MELK: variants seen among roughly 807,000 people sequenced by gnomAD.
The protein encoded by MELK is pEg3 kinase.
A neutral mutation model predicts 85.0 loss-of-function variants in MELK; 81 were observed. That is an observed-to-expected ratio of 0.95 (90% CI 0.80 to 1.15). MELK has a LOEUF of 1.15. Ranked by LOEUF, MELK falls within the 50% of genes most tolerant of loss-of-function variation. MELK has a pLI of 0.00. For missense variants in MELK, 754 were observed against 777.5 expected (o/e 0.97, Z 0.36); for synonymous variants, 252 against 265.0 (o/e 0.95, Z 0.48).
Position 36,583,608 on chromosome 9 carries a change from A to G in MELK, c.59-19A>G, listed in dbSNP as rs975189755. On this transcript the variant is annotated intron_variant, in intron 2 of 17. Coordinates refer to ENST00000298048, the MANE Select transcript of MELK (RefSeq NM_014791.4). ...CCTGAGTCCTTGCTTATGCTTTCAT[A>G]ATACATTTTCCTACTTAGGTGGCTT... is the stretch of plus-strand genomic sequence containing the variant. 6.4e-7 allele frequency: 1 copy of G among 1,560,072 alleles called. No homozygotes were observed. Among genetic ancestry groups the G allele is most frequent in the African/African-American group, 1.4e-5 (1 of 73,682 alleles).
Position 36,677,247 on chromosome 9 carries a change from T to C in MELK, c.1866T>C (p.Asp622=), listed in dbSNP as rs1564242352. The change falls in exon 18 of 18, where the codon GAT becomes GAC. Residue 622 remains aspartate (D), a synonymous_variant. Coordinates refer to ENST00000298048, the MANE Select transcript of MELK (RefSeq NM_014791.4). Reference sequence around the variant, plus strand: ...AAGTGTGCCAGCTTCAAAAACCCGATGTGGTGGGTATCAGGAGGCAGCGGC... The same window carrying C: ...AAGTGTGCCAGCTTCAAAAACCCGACGTGGTGGGTATCAGGAGGCAGCGGC... ...ELEVCQLQKP[D]VVGIRRQRLK... is the part of the protein sequence containing the mutation. 4.3e-6 allele frequency: 7 copies of C among 1,614,110 alleles called. No individual in the cohort carries two copies. Among genetic ancestry groups the C allele is most frequent in the South Asian group, 2.2e-5 (2 of 91,060 alleles).
intron 8 of MELK, chr9:36,630,084 A>G: frequency 2.0e-6 from 1 of 507,862 alleles, no homozygotes. Flanking sequence ...ATCTCAGGTG[A>G]TCTGCCCGCT....
At chr9:36,657,460 T>C (rs1831367151) in intron 13 of MELK, 97 bp downstream of exon 13, 1 of 1,340,824 alleles carries the variant, frequency 7.5e-7, no homozygotes, top group Non-Finnish European at 1.0e-6. Context: ...GCAAATTTAA[T>C]GAATGCTTAA....
At chr9:36,603,187 TGAGGAG>T (rs1825111376) in intron 7 of MELK, among the ~76,000 whole-genome samples, 1 of 152,152 alleles carries the variant, frequency 6.6e-6, no homozygotes, top group African/African-American at 2.4e-5. Flanking sequence ...GATAGTGGAC[TGAGGAG>T]TCATTTGAGA....
chr9:36,630,405 T>G, intron 9 of MELK, 38 bp downstream of exon 9: 1 of 1,522,956 alleles, frequency 6.6e-7, no homozygotes, highest in South Asian at 1.1e-5. Context: ...TCTATTGTAA[T>G]TGTTTGGTTC....
intron 1 of MELK, among the ~76,000 whole-genome samples, chr9:36,577,280 A>T (rs996885823): frequency 5.3e-5 from 8 of 152,092 alleles, no homozygotes; most frequent in African/African-American, 1.9e-4. Context: ...TGGGAGGCCA[A>T]GGAGGGTGGA....
At chr9:36,657,995 G>A (rs1254845426) in intron 13 of MELK, among the ~76,000 whole-genome samples, 1 of 151,638 alleles carries the variant, frequency 6.6e-6, no homozygotes, top group East Asian at 1.9e-4. Context: ...GCATACAGTT[G>A]TATAACCACC....
intron 8 of MELK, among the ~76,000 whole-genome samples, chr9:36,616,385 CTCT>C (rs1826788610): frequency 8.3e-6 from 1 of 120,288 alleles, no homozygotes; most frequent in African/African-American, 3.5e-5. Context: ...GCATGTCAAA[CTCT>C]TTTTTTTTTT....
intron 14 of MELK, among the ~76,000 whole-genome samples, chr9:36,667,350 T>G (rs764852980): frequency 6.6e-6 from 1 of 152,146 alleles, no homozygotes. Context: ...AAGACAGGGC[T>G]TCACCATATT....
At chr9:36,604,746 C>T (rs1481317976) in intron 7 of MELK, among the ~76,000 whole-genome samples, 2 of 151,634 alleles carry the variant, frequency 1.3e-5, no homozygotes, top group African/African-American at 4.9e-5. Flanking sequence ...CGAGTTCAAG[C>T]GATTCTCCTG....
chr9:36,656,729 G>C (rs1370881583), intron 12 of MELK, among the ~76,000 whole-genome samples: 1 of 151,874 alleles, frequency 6.6e-6, no homozygotes, highest in Non-Finnish European at 1.5e-5. Context: ...GTGGACTCAA[G>C]TGATCCTCCC....
intron 14 of MELK, among the ~76,000 whole-genome samples, chr9:36,667,975 G>A (rs58376094): frequency 1.3e-5 from 2 of 152,266 alleles, no homozygotes; most frequent in East Asian, 3.9e-4. Flanking sequence ...CAACATGTTG[G>A]GCAGGCTGCT....
At chr9:36,659,038 C>T (rs1257687990) in intron 13 of MELK, among the ~76,000 whole-genome samples, 2 of 151,896 alleles carry the variant, frequency 1.3e-5, no homozygotes, top group African/African-American at 4.8e-5. Context: ...CCCGCCACCA[C>T]GCCTGGCTAA....
Position 36,646,720 on chromosome 9 carries a change from T to G in MELK, c.921+3637T>G, listed in dbSNP as rs950456480. Among the ~76,000 whole-genome samples, 3 of 152,164 alleles carry G rather than the reference T, an allele frequency of 2.0e-5. No individual in the cohort carries two copies. In the South Asian group the frequency reaches 6.2e-4, roughly 31 times the overall value. ...AGATCCATTTTCCCCACCCCTGTGA[T>G]GTAAACACCCATGTGTGTAAAGACT... is the stretch of plus-strand genomic sequence containing the variant. On this transcript the variant is annotated intron_variant, in intron 11 of 17. Transcript: ENST00000298048.
chr9:36,603,297 A>G (rs1825121473), intron 7 of MELK, among the ~76,000 whole-genome samples: 1 of 152,200 alleles, frequency 6.6e-6, no homozygotes, highest in Admixed American at 6.5e-5. Flanking sequence ...TTCATTTAAA[A>G]TACTAATAAA....
chr9:36,620,838 C>T (rs1256564642), intron 8 of MELK, among the ~76,000 whole-genome samples: 2 of 151,906 alleles, frequency 1.3e-5, no homozygotes, highest in East Asian at 1.9e-4. Flanking sequence ...CATGAGCCAC[C>T]GCACCCAGCT....
intron 8 of MELK, among the ~76,000 whole-genome samples, chr9:36,622,995 G>T (rs1044151972): frequency 6.6e-6 from 1 of 152,110 alleles, no homozygotes; most frequent in Admixed American, 6.6e-5. Context: ...CAGAAACAAG[G>T]GTCCTATCTC....
At chr9:36,618,959 ATTTTTTT>A (rs60381894) in intron 8 of MELK, among the ~76,000 whole-genome samples, 2 of 141,630 alleles carry the variant, frequency 1.4e-5, no homozygotes, top group African/African-American at 5.1e-5. Context: ...AACTCTAAGT[ATTTTTTT>A]TTTTTTTTTT....
intron 2 of MELK, among the ~76,000 whole-genome samples, chr9:36,581,990 C>T (rs556074776): frequency 2.0e-5 from 3 of 150,932 alleles, no homozygotes; most frequent in Admixed American, 1.3e-4. Flanking sequence ...TTTTTTGAGA[C>T]GGAGTCTCAC....
Sources: gnomAD v4.1 joint callset for allele counts (sites outside exome capture counted in the v4.1 genomes callset) on GRCh38, gnomAD v4.1.1 for gene constraint, MANE v1.5 for transcripts, NCBI Gene and HGNC (gene_info 2026-07-23, HGNC 2026-07-21) for gene names.